NALF1: variants seen among roughly 807,000 people sequenced by gnomAD.
NALF1 encodes family with sequence similarity 155 member A.
In NALF1, 3 loss-of-function variants were observed where a neutral mutation model predicts 48.4. That is an observed-to-expected ratio of 0.06 (90% CI 0.03 to 0.16). NALF1 has a LOEUF of 0.16. NALF1 is among the 10% of genes least tolerant of loss of function. The pLI, the probability that NALF1 is intolerant of heterozygous loss-of-function variation, is 1.00. For synonymous variants in NALF1, 262 were observed against 245.7 expected (o/e 1.07, Z -0.62); for missense variants, 526 against 571.5 (o/e 0.92, Z 0.81).
intron 1 of NALF1, among the ~76,000 whole-genome samples, chr13:107,619,276 G>T (rs1334171123): frequency 6.6e-6 from 1 of 151,730 alleles, no homozygotes; most frequent in East Asian, 2.1e-4. Flanking sequence ...CCTCTTTTCC[G>T]CACCCTGTTA....
At chr13:107,328,038 T>G (rs1215835131) in intron 1 of NALF1, among the ~76,000 whole-genome samples, 2 of 151,982 alleles carry the variant, frequency 1.3e-5, no homozygotes, top group Admixed American at 6.6e-5. Context: ...CTCCCACCTC[T>G]GCCTCCCGAG....
intron 1 of NALF1, among the ~76,000 whole-genome samples, chr13:107,858,621 A>T (rs1880494346): frequency 6.6e-6 from 1 of 152,240 alleles, no homozygotes. Flanking sequence ...TGGGAGACAG[A>T]GGTAGCAGTG....
intron 1 of NALF1, among the ~76,000 whole-genome samples, chr13:107,670,938 G>A (rs550850973): frequency 2.0e-4 from 30 of 152,050 alleles, no homozygotes; most frequent in Admixed American, 9.8e-4. Flanking sequence ...CCATCCTTTC[G>A]AGTTCTCTTA....
chr13:107,379,759 C>T (rs1185951710), intron 1 of NALF1, among the ~76,000 whole-genome samples: 1 of 152,176 alleles, frequency 6.6e-6, no homozygotes, highest in African/African-American at 2.4e-5. Flanking sequence ...CTTCTTATTC[C>T]ACACCTGCTC....
chr13:107,602,695 AG>A (rs964664343), intron 1 of NALF1, among the ~76,000 whole-genome samples: 1 of 152,212 alleles, frequency 6.6e-6, no homozygotes, highest in Non-Finnish European at 1.5e-5. Context: ...ATTCTATAAA[AG>A]GTTTAATTCA....
chr13:107,650,905 G>A lies in NALF1; in HGVS notation c.915+214777C>T, dbSNP rs141646367. Among the ~76,000 whole-genome samples, 798 of 151,872 alleles carry A rather than the reference G, an allele frequency of 5.3e-3. 5 individuals are homozygous for A. Among genetic ancestry groups the A allele is most frequent in the Admixed American group, 0.011 (169 of 15,256 alleles). ...TATGAACACAGAGAAGGAAATAAGA[G>A]ACACTGGCGTCTACTTGACGGGGGA... On this transcript the variant is annotated intron_variant, in intron 1 of 2. Transcript: ENST00000375915.
chr13:107,592,026 G>C (rs1223277450), intron 1 of NALF1, among the ~76,000 whole-genome samples: 1 of 151,886 alleles, frequency 6.6e-6, no homozygotes, highest in Non-Finnish European at 1.5e-5. Flanking sequence ...TTAGAAATCT[G>C]CTATACTATC....
At chr13:107,314,511 A>C (rs553314945) in intron 1 of NALF1, among the ~76,000 whole-genome samples, 65 of 152,162 alleles carry the variant, frequency 4.3e-4, no homozygotes, top group African/African-American at 1.5e-3. Flanking sequence ...TACATTGAAC[A>C]ATTTTACCCC....
At position 107,165,523 on chromosome 13, in the gene NALF1, A is replaced by T. The variant is rs1278104097; in HGVS notation, c.*4974T>A. Reference sequence around the variant, plus strand: ...CTTGTCTGTGGTAAACATAGCCCTGAAGTACAGTATCTCAAGAATAAAAAC... The same window carrying T: ...CTTGTCTGTGGTAAACATAGCCCTGTAGTACAGTATCTCAAGAATAAAAAC... On this transcript the variant is annotated 3_prime_UTR_variant, in exon 3 of 3. Transcript: ENST00000375915. 1 of 152,208 alleles carries T rather than the reference A, an allele frequency of 6.6e-6. No individual in the cohort carries two copies. Among genetic ancestry groups the T allele is most frequent in the Non-Finnish European group, 1.5e-5 (1 of 68,036 alleles). 9.4% of individuals were successfully genotyped at this position (152,208 alleles called of 1,614,324 possible).
At chr13:107,538,416 T>G (rs1444201857) in intron 1 of NALF1, among the ~76,000 whole-genome samples, 1 of 152,182 alleles carries the variant, frequency 6.6e-6, no homozygotes, top group Non-Finnish European at 1.5e-5. Context: ...GGCATAATCC[T>G]ACAACATAGA....
chr13:107,222,632 T>C (rs1880018380), intron 1 of NALF1, among the ~76,000 whole-genome samples: 2 of 152,230 alleles, frequency 1.3e-5, no homozygotes, highest in Non-Finnish European at 2.9e-5. Flanking sequence ...CTGAAATAAA[T>C]TATGTAAATT....
At chr13:107,410,480 G>T (rs1883971775) in intron 1 of NALF1, among the ~76,000 whole-genome samples, 2 of 152,232 alleles carry the variant, frequency 1.3e-5, no homozygotes, top group East Asian at 3.9e-4. Context: ...GGTTATTTAT[G>T]CAGGCATAAA....
intron 1 of NALF1, among the ~76,000 whole-genome samples, chr13:107,754,805 T>C (rs1010662413): frequency 1.7e-4 from 26 of 151,650 alleles, no homozygotes; most frequent in African/African-American, 5.8e-4. Flanking sequence ...TTCCATCCAC[T>C]AACACTGACA....
chr13:107,866,477 C>T lies in NALF1; in HGVS notation c.120G>A (p.Leu40=). ...TGAAAAACAAGAGAGATGCCAGAGA[C>T]AGTCGCCATTTCTGAGCCCTCTCGG... ...IDSERAQKWR[L]SLASLLFFTV... is the part of the protein sequence containing the mutation. Residue 40 remains leucine, a synonymous_variant, in exon 1 of 3, where the codon CTG becomes CTA. Coordinates refer to ENST00000375915, the MANE Select transcript of NALF1 (RefSeq NM_001080396.3). This position sits in a 1 kb window ranked among gnomAD's most constrained non-coding sequence, Gnocchi z 4.4. The T allele has an allele frequency of 6.2e-7, 1 of 1,614,146 alleles. No homozygotes were observed. Among genetic ancestry groups the T allele is most frequent in the Middle Eastern group, 1.6e-4 (1 of 6,062 alleles).
chr13:107,251,215 T>C (rs1051791183), intron 1 of NALF1, among the ~76,000 whole-genome samples: 11 of 152,106 alleles, frequency 7.2e-5, no homozygotes, highest in Non-Finnish European at 1.3e-4. Flanking sequence ...ACAGGCAAGA[T>C]TTTCCTCCCC....
chr13:107,680,677 T>G (rs999319997), intron 1 of NALF1, among the ~76,000 whole-genome samples: 4 of 151,890 alleles, frequency 2.6e-5, no homozygotes, highest in African/African-American at 4.8e-5. Context: ...AGGATGCAAA[T>G]GTAAGAATGT....
intron 1 of NALF1, among the ~76,000 whole-genome samples, chr13:107,307,930 A>T (rs2138900220): frequency 6.6e-6 from 1 of 152,316 alleles, no homozygotes; most frequent in South Asian, 2.1e-4. Context: ...ATTCATGATC[A>T]TGGGCAGTTA....
chr13:107,847,983 TA>T (rs1880215805), intron 1 of NALF1, among the ~76,000 whole-genome samples: 1 of 152,224 alleles, frequency 6.6e-6, no homozygotes, highest in Non-Finnish European at 1.5e-5. Flanking sequence ...AAATCAGATA[TA>T]ATATTATTCC....
rs61686895 is a variant in NALF1, at chr13:107,438,827, C to CAAAAAAAAAAAAAAAAAAAAAAAAAA, written c.916-228073_916-228072insTTTTTTTTTTTTTTTTTTTTTTTTTT. ...TGGATGACAGAGTGAGACTCCATCT[C>CAAAAAAAAAAAAAAAAAAAAAAAAAA]AAAAAAAAAAAAAAAAAAAAAAAAG... On this transcript the variant is annotated intron_variant, in intron 1 of 2. Coordinates refer to ENST00000375915, the MANE Select transcript of NALF1 (RefSeq NM_001080396.3). Among the ~76,000 whole-genome samples the CAAAAAAAAAAAAAAAAAAAAAAAAAA allele has an allele frequency of 2.2e-4, 4 of 17,956 alleles. 1 individual carries two copies. The highest frequency in any genetic ancestry group is 3.1e-4 in the Non-Finnish European group (3 of 9,528). The allele number at this position is 17,956 out of a possible 152,430, so 11.8% of individuals were successfully genotyped here.
Sources: gnomAD v4.1 joint callset for allele counts (sites outside exome capture counted in the v4.1 genomes callset) on GRCh38, gnomAD v4.1.1 for gene constraint, Gnocchi (gnomAD v3.1) non-coding constraint, MANE v1.5 for transcripts, NCBI Gene and HGNC (gene_info 2026-07-23, HGNC 2026-07-21) for gene names.